Variants in COP1 observed in about 807,000 individuals in gnomAD.
COP1 encodes E3 ubiquitin-protein ligase COP1.
In COP1, 24 loss-of-function variants were observed where a neutral mutation model predicts 101.3. The observed-to-expected ratio is 0.24, with a 90% CI of 0.17 to 0.33. The LOEUF (loss-of-function observed/expected upper bound fraction) is 0.33, where lower values mean the gene tolerates loss of function less well. Ranked by LOEUF, COP1 falls within the 10% of genes least tolerant of loss-of-function variation. The pLI, the probability that COP1 is intolerant of heterozygous loss-of-function variation, is 1.00. For missense variants in COP1, 663 were observed against 906.2 expected (o/e 0.73, Z 3.45); for synonymous variants, 347 against 341.9 (o/e 1.01, Z -0.17).
chr1:176,065,743 C>T (rs1369070543), intron 11 of COP1, among the ~76,000 whole-genome samples: 19 of 145,272 alleles, frequency 1.3e-4, no homozygotes, highest in Admixed American at 5.6e-4. Flanking sequence ...AGTCTTGCTC[C>T]GTTGCCTAGG....
intron 11 of COP1, among the ~76,000 whole-genome samples, chr1:176,057,321 C>CTCCCTCTCCCTCTCCCCACGGAT (rs1341735133): frequency 6.6e-6 from 1 of 152,086 alleles, no homozygotes; most frequent in African/African-American, 2.4e-5. Flanking sequence ...ACCTCTCCCT[C>CTCCCTCTCCCTCTCCCCACGGAT]TCCCTCTCCC....
intron 18 of COP1, 61 bp downstream of exon 18, chr1:175,986,882 C>T: frequency 1.6e-6 from 2 of 1,258,212 alleles, no homozygotes; most frequent in Non-Finnish European, 2.2e-6. Context: ...TAATCAAACC[C>T]TGTGTATACA....
At chr1:176,101,598 C>A (rs1683411514) in intron 9 of COP1, among the ~76,000 whole-genome samples, 1 of 152,194 alleles carries the variant, frequency 6.6e-6, no homozygotes. Flanking sequence ...AACATGCCAG[C>A]AAAGGGTAAA....
chr1:176,068,288 C>T (rs951329412), intron 11 of COP1, among the ~76,000 whole-genome samples: 1 of 152,032 alleles, frequency 6.6e-6, no homozygotes, highest in South Asian at 2.1e-4. Flanking sequence ...AAGCTCTTAA[C>T]CTAAGACAAT....
chr1:176,192,235 C>G (rs1445781460), intron 1 of COP1, among the ~76,000 whole-genome samples: 1 of 152,228 alleles, frequency 6.6e-6, no homozygotes, highest in African/African-American at 2.4e-5. Context: ...AAGGCTCCTG[C>G]CCAAACACAG....
intron 16 of COP1, 147 bp from the exon 17 acceptor site, chr1:175,988,559 G>A (rs1263471912): frequency 1.7e-5 from 12 of 712,064 alleles, no homozygotes; most frequent in Non-Finnish European, 2.4e-5. Flanking sequence ...TCGGCCAGGC[G>A]TGGTGGCTCA....
At chr1:176,067,342 T>A (rs761334541) in intron 11 of COP1, among the ~76,000 whole-genome samples, 1 of 152,028 alleles carries the variant, frequency 6.6e-6, no homozygotes, top group Non-Finnish European at 1.5e-5. Flanking sequence ...TGCTCAAATG[T>A]TGCATTTTCC....
rs190874169 is a variant in COP1, at chr1:176,026,765, A to T, written c.1729+807T>A. Reference sequence around the variant, plus strand: ...TCTCCATCATATGGTGCTAACTTGTATTTTTTTTTGTAAAACCCTGATATT... The same window carrying T: ...TCTCCATCATATGGTGCTAACTTGTTTTTTTTTTTGTAAAACCCTGATATT... On this transcript the variant is annotated intron_variant, in intron 15 of 19. Transcript: ENST00000367669. Among the ~76,000 whole-genome samples the T allele has an allele frequency of 7.7e-3, 1,170 of 151,122 alleles. 4 individuals carry two copies. Among genetic ancestry groups the T allele is most frequent in the Non-Finnish European group, 0.011 (723 of 67,704 alleles).
intron 18 of COP1, among the ~76,000 whole-genome samples, chr1:175,956,509 G>A (rs2148513753): frequency 6.6e-6 from 1 of 151,940 alleles, no homozygotes; most frequent in African/African-American, 2.4e-5. Flanking sequence ...AAAAAACCCT[G>A]ATAAATTGGA....
chr1:176,200,308 G>A (rs1213750252), intron 1 of COP1, among the ~76,000 whole-genome samples: 6 of 152,112 alleles, frequency 3.9e-5, no homozygotes, highest in Non-Finnish European at 5.9e-5. Context: ...GAGTGGACTT[G>A]GCATTTATGA....
chr1:176,026,209 T>C (rs371770591), intron 15 of COP1, among the ~76,000 whole-genome samples: 3 of 152,102 alleles, frequency 2.0e-5, no homozygotes, highest in African/African-American at 7.2e-5. Flanking sequence ...TATTCATATC[T>C]GGCATTGGTA....
chr1:176,108,424 T>C (rs148022949), intron 9 of COP1, among the ~76,000 whole-genome samples: 3 of 152,316 alleles, frequency 2.0e-5, no homozygotes, highest in African/African-American at 2.4e-5. Context: ...AATCTTTACA[T>C]AGTACTTAGA....
At chr1:176,147,524 A>G (rs1691746774) in intron 6 of COP1, among the ~76,000 whole-genome samples, 1 of 152,198 alleles carries the variant, frequency 6.6e-6, no homozygotes, top group Non-Finnish European at 1.5e-5. Context: ...AAATATCCAG[A>G]AGTATTTGGA....
chr1:176,108,930 G>A (rs1684809334), intron 9 of COP1, among the ~76,000 whole-genome samples: 1 of 152,038 alleles, frequency 6.6e-6, no homozygotes, highest in South Asian at 2.1e-4. Flanking sequence ...TGTCCAACAT[G>A]GTGAAACCCC....
chr1:176,070,225 G>A (rs1030135094), intron 11 of COP1, among the ~76,000 whole-genome samples: 3 of 151,642 alleles, frequency 2.0e-5, no homozygotes, highest in Non-Finnish European at 4.4e-5. Flanking sequence ...AATCAATCAC[G>A]AAGTTCTGGC....
chr1:176,143,421 T>C (rs1691056846), intron 6 of COP1, among the ~76,000 whole-genome samples: 1 of 152,134 alleles, frequency 6.6e-6, no homozygotes, highest in Non-Finnish European at 1.5e-5. Flanking sequence ...GTAAGATCTT[T>C]AAACATTCAA....
At chr1:176,094,021 C>CA (rs199626941) in intron 9 of COP1, among the ~76,000 whole-genome samples, 15,336 of 67,896 alleles carry the variant, frequency 0.23, 882 homozygotes, top group Admixed American at 0.32. Context: ...GACTCTGTCT[C>CA]AAAAAAAAAA....
At chr1:176,121,881 C>T (rs1326793234) in intron 8 of COP1, among the ~76,000 whole-genome samples, 1 of 152,014 alleles carries the variant, frequency 6.6e-6, no homozygotes, top group Non-Finnish European at 1.5e-5. Flanking sequence ...TTGGTCACGC[C>T]TGTAATCCCA....
rs1311042188 is a variant in COP1, at chr1:176,149,044, T to C, written c.793A>G (p.Met265Val). 3.1e-6 allele frequency: 5 copies of C among 1,588,170 alleles called. No homozygotes were observed. Among genetic ancestry groups the C allele is most frequent in the Non-Finnish European group, 4.3e-6 (5 of 1,162,992 alleles). Residue 265 changes from methionine (M) to valine (V), a missense_variant, in exon 6 of 20, where the codon ATG (methionine) becomes GTG (valine). Around this residue, in one of 4 missense-constraint regions of COP1, gnomAD observed 212 missense variants for 240.7 expected, o/e 0.88. Coordinates refer to ENST00000367669, the MANE Select transcript of COP1 (RefSeq NM_022457.7). ...CTTCTTGCAACCTTGAGGAATTCCA[T>C]AAGAATCTGTAGTTGGGCTGCATGT... ...ESHAAQLQILMEFLKVARRNK... is the reference protein window; with the variant it reads ...ESHAAQLQILVEFLKVARRNK...
Sources: gnomAD v4.1 joint callset for allele counts (sites outside exome capture counted in the v4.1 genomes callset) on GRCh38, gnomAD v4.1.1 for gene constraint, gnomAD v4.1.1 regional missense constraint, MANE v1.5 for transcripts, NCBI Gene and HGNC (gene_info 2026-07-23, HGNC 2026-07-21) for gene names.